EPM2A: variants seen among roughly 807,000 people sequenced by gnomAD.
EPM2A encodes laforin.
A neutral mutation model predicts 26.5 loss-of-function variants in EPM2A; 21 were observed. The observed-to-expected ratio is 0.79, with a 90% CI of 0.56 to 1.14. The LOEUF (loss-of-function observed/expected upper bound fraction) is 1.14. EPM2A is among the 50% of genes most tolerant of loss of function. The pLI, the probability that EPM2A is intolerant of heterozygous loss-of-function variation, is 0.00. For missense variants in EPM2A, 458 were observed against 440.8 expected (o/e 1.04, Z -0.35); for synonymous variants, 217 against 177.6 (o/e 1.22, Z -1.76).
Position 145,626,493 on chromosome 6 carries a change from C to T in EPM2A, c.*923G>A, listed in dbSNP as rs1379254603. ...ACTAATTTCCTAGATTCTTTGGCAACTGATCAGAATACTATTCTATGTCTC... is the reference window on the plus strand; with the variant it reads ...ACTAATTTCCTAGATTCTTTGGCAATTGATCAGAATACTATTCTATGTCTC... On this transcript the variant is annotated 3_prime_UTR_variant, in exon 4 of 4. Coordinates refer to ENST00000367519, the MANE Select transcript of EPM2A (RefSeq NM_005670.4). 1.0e-6 allele frequency: 1 copy of T among 985,744 alleles called. No individual in the cohort carries two copies. The highest frequency in any genetic ancestry group is 1.2e-6 in the Non-Finnish European group (1 of 829,960). 61.1% of individuals were successfully genotyped at this position (985,744 alleles called of 1,614,324 possible). A position where few individuals can be genotyped will look rare whatever the true frequency, so the allele number is the denominator to read the frequency against.
chr6:145,502,573 C>T (rs1348774243), exon 3 of EPM2A: 2 of 470,796 alleles, frequency 4.2e-6, no homozygotes, highest in African/African-American at 4.0e-5. Flanking sequence ...GTCCTCTTCT[C>T]ATCTGGAAAA....
At chr6:145,446,211 T>C (rs1405866170) in intron 4 of EPM2A, among the ~76,000 whole-genome samples, 1 of 152,194 alleles carries the variant, frequency 6.6e-6, no homozygotes, top group Non-Finnish European at 1.5e-5. Flanking sequence ...AACACCAAAG[T>C]TGACCTCTTC....
At chr6:145,394,116 C>T (rs1220009259) in intron 4 of EPM2A, among the ~76,000 whole-genome samples, 1 of 152,192 alleles carries the variant, frequency 6.6e-6, no homozygotes, top group African/African-American at 2.4e-5. Flanking sequence ...AGCCATCATG[C>T]CCGGCCCAAC....
At chr6:145,465,419 C>T (rs1383655237) in intron 4 of EPM2A, among the ~76,000 whole-genome samples, 1 of 152,036 alleles carries the variant, frequency 6.6e-6, no homozygotes, top group Non-Finnish European at 1.5e-5. Context: ...GTTTGAATGT[C>T]CTCCTGTAGC....
chr6:145,657,644 C>T (rs1203319180), intron 2 of EPM2A, among the ~76,000 whole-genome samples: 2 of 152,100 alleles, frequency 1.3e-5, no homozygotes, highest in Non-Finnish European at 2.9e-5. Context: ...ATGTGCCTTT[C>T]AATACAAGTG....
At chr6:145,680,489 C>T (rs918233779) in intron 2 of EPM2A, among the ~76,000 whole-genome samples, 1 of 151,840 alleles carries the variant, frequency 6.6e-6, no homozygotes, top group African/African-American at 2.4e-5. Context: ...GTGCTGCACC[C>T]ATTAACTCGT....
At chr6:145,653,380 T>C (rs543382666) in intron 2 of EPM2A, among the ~76,000 whole-genome samples, 4 of 152,304 alleles carry the variant, frequency 2.6e-5, no homozygotes, top group East Asian at 1.9e-4. Flanking sequence ...TCCACCATGA[T>C]TGTAGGTTTC....
chr6:145,489,842 C>G lies in EPM2A; in HGVS notation c.555+12680G>C, dbSNP rs1779731285. The G allele has an allele frequency of 8.3e-6, 12 of 1,445,246 alleles. No individual in the cohort carries two copies. In the South Asian group the frequency reaches 1.0e-4, roughly 12 times the overall value. 89.5% of individuals were successfully genotyped at this position (1,445,246 alleles called of 1,614,324 possible). On this transcript the variant is annotated intron_variant, in intron 4 of 4. Coordinates refer to the EPM2A transcript ENST00000638717. Reference sequence around the variant, plus strand: ...GCTTCTAGAAGTTCAGTTTGTACTTCCACTGGCACCTGATTTATCCATTCA... The same window carrying G: ...GCTTCTAGAAGTTCAGTTTGTACTTGCACTGGCACCTGATTTATCCATTCA...
chr6:145,450,420 T>C (rs1263521250), intron 4 of EPM2A, among the ~76,000 whole-genome samples: 1 of 147,458 alleles, frequency 6.8e-6, no homozygotes, highest in East Asian at 2.0e-4. Flanking sequence ...ACCACTAACA[T>C]AATGCAGACT....
intron 1 of EPM2A, chr6:145,734,965 C>G (rs545112548): frequency 3.3e-6 from 1 of 303,656 alleles, no homozygotes; most frequent in African/African-American, 2.2e-5. Context: ...CGGCCGGGAG[C>G]GCTATACGGG....
At chr6:145,441,895 A>G (rs945490226) in intron 4 of EPM2A, among the ~76,000 whole-genome samples, 2 of 152,074 alleles carry the variant, frequency 1.3e-5, no homozygotes, top group South Asian at 4.2e-4. Context: ...AAAAACAAAA[A>G]CTGAATGCCT....
chr6:145,454,554 C>T (rs1008394927), intron 4 of EPM2A, among the ~76,000 whole-genome samples: 5 of 152,130 alleles, frequency 3.3e-5, no homozygotes, highest in African/African-American at 1.2e-4. Context: ...ACTAAACACT[C>T]CCAATAAAAG....
intron 2 of EPM2A, among the ~76,000 whole-genome samples, chr6:145,505,710 A>G (rs892503866): frequency 6.6e-6 from 1 of 152,178 alleles, no homozygotes; most frequent in Non-Finnish European, 1.5e-5. Context: ...ATGAAATGAG[A>G]TTCAGTCAAT....
At chr6:145,442,001 A>C (rs545178548) in intron 4 of EPM2A, among the ~76,000 whole-genome samples, 17 of 152,356 alleles carry the variant, frequency 1.1e-4, no homozygotes, top group Non-Finnish European at 2.4e-4. Flanking sequence ...AAAGTTCCAC[A>C]AATCTCTAGG....
upstream of EPM2A, chr6:145,735,731 C>CGGGGTTGCGGG: frequency 1.3e-6 from 1 of 776,974 alleles, no homozygotes; most frequent in Non-Finnish European, 1.6e-6. Context: ...CTTTGTGCCC[C>CGGGGTTGCGGG]GCAACCCCGC....
intron 2 of EPM2A, among the ~76,000 whole-genome samples, chr6:145,543,574 A>G (rs1780543734): frequency 6.6e-6 from 1 of 152,194 alleles, no homozygotes; most frequent in Admixed American, 6.5e-5. Flanking sequence ...TTCTATCAAA[A>G]CAGGGTCTTT....
chr6:145,572,432 T>C (rs1051340587), intron 2 of EPM2A, among the ~76,000 whole-genome samples: 1 of 152,188 alleles, frequency 6.6e-6, no homozygotes, highest in African/African-American at 2.4e-5. Flanking sequence ...ATCACATATA[T>C]ACCACTTCCA....
intron 4 of EPM2A, chr6:145,490,966 TC>T (rs1779747131): frequency 2.3e-6 from 2 of 857,760 alleles, no homozygotes; most frequent in African/African-American, 1.7e-5. Flanking sequence ...AGAATCCACT[TC>T]CTCTAATGTT....
At chr6:145,532,439 C>T (rs1428282922) in intron 2 of EPM2A, among the ~76,000 whole-genome samples, 1 of 152,134 alleles carries the variant, frequency 6.6e-6, no homozygotes, top group Non-Finnish European at 1.5e-5. Context: ...AACTTATTTA[C>T]TCATGTGGTC....
Sources: allele counts gnomAD v4.1 joint callset (sites outside exome capture counted in the v4.1 genomes callset), GRCh38; gene constraint gnomAD v4.1.1; transcripts MANE v1.5; gene names NCBI Gene and HGNC (gene_info 2026-07-23, HGNC 2026-07-21).